The following IFT80 variants were observed in gnomAD, a reference collection of about 807,000 sequenced individuals.
The protein encoded by IFT80 is intraflagellar transport protein 80 homolog.
Under a neutral mutation model 107.9 loss-of-function variants are expected in IFT80, and 79 were observed. The observed-to-expected ratio is 0.73, with a 90% CI of 0.61 to 0.88. The LOEUF is 0.88. Among genes scored for constraint, IFT80 ranks in the 40% least tolerant of loss-of-function variants. The probability of loss-of-function intolerance (pLI) is 0.00; values close to 1 mark genes in which losing one functional copy is unlikely to be tolerated. For synonymous variants in IFT80, 299 were observed against 300.9 expected, an observed-to-expected ratio of 0.99 and a Z score of 0.07; for missense variants, 797 against 914.2, an observed-to-expected ratio of 0.87 and a Z score of 1.65.
chr3:160,384,314 TAAGTA>T (rs1466825667), intron 2 of IFT80: 37 of 949,968 alleles, frequency 3.9e-5, no homozygotes, highest in Middle Eastern at 4.7e-4. Flanking sequence ...TTTAAGTATT[TAAGTA>T]TAGTACTTAA....
Position 160,357,592 on chromosome 3 carries a change from G to A in IFT80, c.550-14C>T, listed in dbSNP as rs1721185599. The A allele has an allele frequency of 6.6e-7, 1 of 1,511,574 alleles. No homozygotes were observed. The allele number at this position is 1,511,574 out of a possible 1,614,324, so 93.6% of individuals were successfully genotyped here. A position where few individuals can be genotyped will look rare whatever the true frequency, so the allele number is the denominator to read the frequency against. On this transcript the variant is annotated splice_polypyrimidine_tract_variant and intron_variant, in intron 6 of 19. Coordinates refer to ENST00000326448, the MANE Select transcript of IFT80 (RefSeq NM_020800.3). Reference sequence around the variant, plus strand: ...ATGAGCTTTCCACTGTGAGAAAAAAGAATAAGATATTAATTATAAGTTTAA... The same window carrying A: ...ATGAGCTTTCCACTGTGAGAAAAAAAAATAAGATATTAATTATAAGTTTAA...
chr3:160,352,713 T>A (rs765006484), intron 8 of IFT80, among the ~76,000 whole-genome samples: 12 of 152,222 alleles, frequency 7.9e-5, no homozygotes, highest in Non-Finnish European at 1.6e-4. Flanking sequence ...ACTATCGTAA[T>A]GATTGAACAG....
chr3:160,358,557 A>G (rs2108364356), intron 6 of IFT80, among the ~76,000 whole-genome samples: 1 of 150,422 alleles, frequency 6.6e-6, no homozygotes, highest in African/African-American at 2.4e-5. Context: ...TCTGTGGGGG[A>G]TTGGTTCCAG....
At chr3:160,330,372 C>T (rs1719001641) in intron 8 of IFT80, among the ~76,000 whole-genome samples, 1 of 152,180 alleles carries the variant, frequency 6.6e-6, no homozygotes, top group African/African-American at 2.4e-5. Flanking sequence ...ACCTTACCAA[C>T]TCGTCTGCTA....
chr3:160,321,363 T>C lies in IFT80; in HGVS notation c.778-1424A>G, dbSNP rs148432732. ...TGATAATGACAAATAAGACTTGATA[T>C]ATTAACATATAGGCTTATGGCATCT... On this transcript the variant is annotated intron_variant, in intron 8 of 19. Coordinates refer to ENST00000326448, the MANE Select transcript of IFT80 (RefSeq NM_020800.3). Among the ~76,000 whole-genome samples, 601 of 152,084 alleles carry C rather than the reference T, an allele frequency of 4.0e-3. 2 individuals carry two copies. The highest frequency in any genetic ancestry group is 0.024 in the East Asian group (125 of 5,188).
At chr3:160,306,299 TA>T (rs1457776496) in intron 10 of IFT80, among the ~76,000 whole-genome samples, 4 of 152,176 alleles carry the variant, frequency 2.6e-5, no homozygotes, top group Non-Finnish European at 5.9e-5. Context: ...ATACTAATCC[TA>T]CAGATTCAAA....
chr3:160,354,450 C>T (rs575717824), intron 8 of IFT80, among the ~76,000 whole-genome samples: 1 of 152,040 alleles, frequency 6.6e-6, no homozygotes, highest in East Asian at 1.9e-4. Context: ...GAGATCGAGA[C>T]CATCCTGGCT....
intron 18 of IFT80, among the ~76,000 whole-genome samples, chr3:160,276,213 T>C (rs1324905393): frequency 6.6e-6 from 1 of 152,126 alleles, no homozygotes; most frequent in East Asian, 1.9e-4. Context: ...TCATGATCCT[T>C]TGTACAGATA....
intron 8 of IFT80, among the ~76,000 whole-genome samples, chr3:160,335,320 TC>T (rs969966200): frequency 2.0e-5 from 3 of 151,506 alleles, no homozygotes; most frequent in African/African-American, 7.3e-5. Context: ...AACCTTTGCC[TC>T]CCAGGTTCTC....
chr3:160,339,290 T>A (rs1052220391), intron 8 of IFT80, among the ~76,000 whole-genome samples: 2 of 152,180 alleles, frequency 1.3e-5, no homozygotes, highest in African/African-American at 4.8e-5. Context: ...AAGAGTATTT[T>A]GAGACTACAA....
chr3:160,329,799 AG>A (rs1190600468), intron 8 of IFT80, among the ~76,000 whole-genome samples: 1 of 151,524 alleles, frequency 6.6e-6, no homozygotes, highest in Admixed American at 6.6e-5. Flanking sequence ...TGTTATGTAA[AG>A]TTTGTATTAA....
chr3:160,296,835 CCTCT>C (rs539905331), intron 12 of IFT80, among the ~76,000 whole-genome samples: 52 of 152,244 alleles, frequency 3.4e-4, no homozygotes, highest in Non-Finnish European at 5.0e-4. Flanking sequence ...TTCTAACTAT[CCTCT>C]CTGTCTTGAA....
intron 5 of IFT80, 53 bp downstream of exon 5, chr3:160,375,759 C>T: frequency 1.6e-6 from 2 of 1,220,610 alleles, no homozygotes; most frequent in Non-Finnish European, 2.4e-6. Context: ...AACTTTAAGG[C>T]ATTTTTGTAT....
chr3:160,322,643 G>C (rs1219098310), intron 8 of IFT80, among the ~76,000 whole-genome samples: 1 of 152,138 alleles, frequency 6.6e-6, no homozygotes, highest in African/African-American at 2.4e-5. Flanking sequence ...CTAGTTTACA[G>C]TCCCACCAAC....
At chr3:160,369,813 TAATA>T (rs757496780) in intron 5 of IFT80, among the ~76,000 whole-genome samples, 2 of 152,058 alleles carry the variant, frequency 1.3e-5, no homozygotes, top group Non-Finnish European at 1.5e-5. Flanking sequence ...AATAGCTTTA[TAATA>T]AATAGTTTTT....
chr3:160,332,452 A>G (rs770560196), intron 8 of IFT80, among the ~76,000 whole-genome samples: 1 of 152,190 alleles, frequency 6.6e-6, no homozygotes. Flanking sequence ...GTTTGAAGGG[A>G]GCACAAGGAT....
Position 160,397,716 on chromosome 3 carries a change from C to CTTTTTT in IFT80, c.-47+1424_-47+1429dup, listed in dbSNP as rs545413654. Among the ~76,000 whole-genome samples, 67 of 96,570 alleles carry CTTTTTT rather than the reference C, an allele frequency of 6.9e-4. 2 individuals are homozygous for CTTTTTT. Among genetic ancestry groups the CTTTTTT allele is most frequent in the African/African-American group, 1.5e-3 (35 of 24,000 alleles). The allele number at this position is 96,570 out of a possible 152,430, so 63.4% of individuals were successfully genotyped here. On this transcript the variant is annotated intron_variant, in intron 1 of 19. Coordinates refer to ENST00000326448, the MANE Select transcript of IFT80 (RefSeq NM_020800.3). ...AATACACCACTCAATTTGGTCTATACTTTTTTTTTTTTTTTTTTTTTTGAG... is the reference window on the plus strand; with the variant it reads ...AATACACCACTCAATTTGGTCTATACTTTTTTTTTTTTTTTTTTTTTTTTTTTTGAG...
intron 8 of IFT80, among the ~76,000 whole-genome samples, chr3:160,338,703 C>T (rs916712714): frequency 5.3e-5 from 8 of 151,750 alleles, no homozygotes; most frequent in Non-Finnish European, 5.9e-5. Flanking sequence ...GGCATGGTGA[C>T]ATGGAGAAGA....
intron 8 of IFT80, among the ~76,000 whole-genome samples, chr3:160,349,439 A>G (rs931449833): frequency 2.6e-5 from 4 of 151,060 alleles, no homozygotes; most frequent in Non-Finnish European, 5.9e-5. Flanking sequence ...ACAGAGCTAG[A>G]CTCCCTCTCA....
Sources: gnomAD v4.1 joint callset for allele counts (sites outside exome capture counted in the v4.1 genomes callset) on GRCh38, gnomAD v4.1.1 for gene constraint, MANE v1.5 for transcripts, NCBI Gene and HGNC (gene_info 2026-07-23, HGNC 2026-07-21) for gene names.